RASA3: variants seen among roughly 807,000 people sequenced by gnomAD.
RASA3 encodes the protein ras GTPase-activating protein 3.
A neutral mutation model predicts 110.0 loss-of-function variants in RASA3; 73 were observed. The ratio of observed to expected loss-of-function variants is 0.66; its 90% CI spans 0.55 to 0.81. The LOEUF (loss-of-function observed/expected upper bound fraction) is 0.81. Among genes scored for constraint, RASA3 ranks in the 30% least tolerant of loss-of-function variants. The pLI, the probability that RASA3 is intolerant of heterozygous loss-of-function variation, is 0.00. For synonymous variants in RASA3, 500 were observed against 451.4 expected, an observed-to-expected ratio of 1.11 and a Z score of -1.37; for missense variants, 976 against 1,113.2, an observed-to-expected ratio of 0.88 and a Z score of 1.75.
At chr13:114,098,365 CTG>C (rs1218652340) in intron 1 of RASA3, among the ~76,000 whole-genome samples, 49 of 148,266 alleles carry the variant, frequency 3.3e-4, no homozygotes, top group Non-Finnish European at 5.5e-4. Context: ...ATCCCAGGGT[CTG>C]CGTGCCCAGC....
intron 1 of RASA3, among the ~76,000 whole-genome samples, chr13:114,090,683 A>G (rs1269672536): frequency 6.6e-6 from 1 of 152,228 alleles, no homozygotes; most frequent in African/African-American, 2.4e-5. Flanking sequence ...ACAAGCACAC[A>G]TGCCTGACGG....
At chr13:114,060,566 G>T (rs2079321315) in intron 2 of RASA3, among the ~76,000 whole-genome samples, 1 of 152,250 alleles carries the variant, frequency 6.6e-6, no homozygotes, top group South Asian at 2.1e-4. Flanking sequence ...AGCCAAGACT[G>T]CCGGGAAGCC....
intron 1 of RASA3, among the ~76,000 whole-genome samples, chr13:114,078,537 G>A (rs567481667): frequency 1.3e-5 from 2 of 152,220 alleles, no homozygotes; most frequent in Non-Finnish European, 2.9e-5. Flanking sequence ...GTGTTCACCA[G>A]CCGGCAGACT....
intron 1 of RASA3, among the ~76,000 whole-genome samples, chr13:114,125,491 C>T (rs150674495): frequency 6.1e-4 from 93 of 152,278 alleles, no homozygotes; most frequent in African/African-American, 2.1e-3. Flanking sequence ...CACTCACTAT[C>T]GTGAGAACAG....
intron 21 of RASA3, among the ~76,000 whole-genome samples, chr13:113,995,215 G>GT (rs2053204384): frequency 6.6e-6 from 1 of 152,254 alleles, no homozygotes; most frequent in African/African-American, 2.4e-5. Context: ...GACAGGCCAG[G>GT]TTTTCTCTCC....
In RASA3 at chr13:114,062,616, C is replaced by T. The variant is rs543748039; in HGVS notation, c.174-10461G>A. On this transcript the variant is annotated intron_variant, in intron 2 of 23. Transcript: ENST00000334062. ...ACGTCCGCACGCAGACTCAGACACG[C>T]GTGCTCACAGCCCACGTCCGCATGC... 1.4e-4 allele frequency among the ~76,000 whole-genome samples: 21 copies of T among 151,178 alleles called. No individual in the cohort carries two copies. The East Asian group carries it at 2.7e-3, about 20-fold the overall frequency.
chr13:114,120,466 C>T (rs370835306), intron 1 of RASA3, among the ~76,000 whole-genome samples: 155 of 14,830 alleles, frequency 0.01, 6 homozygotes, highest in Admixed American at 0.048. Context: ...CGATCAGGGC[C>T]CCTCCCTCTC....
intron 1 of RASA3, among the ~76,000 whole-genome samples, chr13:114,077,440 A>C (rs2079705157): frequency 8.2e-6 from 1 of 121,598 alleles, no homozygotes; most frequent in African/African-American, 3.2e-5. Context: ...GTCCCCCCAC[A>C]CTGGCACCAA....
At position 114,096,426 on chromosome 13, in the gene RASA3, G is replaced by A. The variant is rs1311500429; in HGVS notation, c.56-22589C>T. Among the ~76,000 whole-genome samples, 2 of 152,072 alleles carry A rather than the reference G, an allele frequency of 1.3e-5. No homozygotes were observed. The highest frequency in any genetic ancestry group is 2.4e-5 in the African/African-American group (1 of 41,392). ...GGAACCCTGTGCATTGCCCATCTGTGAGCCGACCTCCTGCCTGAAGCCACC... is the reference window on the plus strand; with the variant it reads ...GGAACCCTGTGCATTGCCCATCTGTAAGCCGACCTCCTGCCTGAAGCCACC... On this transcript the variant is annotated intron_variant, in intron 1 of 23. Coordinates refer to ENST00000334062, the MANE Select transcript of RASA3 (RefSeq NM_007368.4). The surrounding 1 kb of genome is among the most constrained non-coding windows in gnomAD (Gnocchi z 5.1).
intron 22 of RASA3, among the ~76,000 whole-genome samples, chr13:113,990,495 G>A (rs982947836): frequency 2.0e-5 from 3 of 152,210 alleles, no homozygotes; most frequent in African/African-American, 4.8e-5. Flanking sequence ...CCCTCTCCGA[G>A]GCTCCCTGAC....
chr13:113,982,775 G>GACAA (rs1272468604), intron 22 of RASA3, among the ~76,000 whole-genome samples: 1 of 152,236 alleles, frequency 6.6e-6, no homozygotes, highest in Non-Finnish European at 1.5e-5. Context: ...TGGAACCCTT[G>GACAA]TGCAGGGGAT....
At chr13:114,002,107 G>A (rs1408422298) in intron 18 of RASA3, among the ~76,000 whole-genome samples, 1 of 152,362 alleles carries the variant, frequency 6.6e-6, no homozygotes, top group East Asian at 1.9e-4. Flanking sequence ...TGGAGGAGAA[G>A]AAAGTGGCCA....
In RASA3 at chr13:114,016,378, C is replaced by T. The variant is rs936844257; in HGVS notation, c.1207-107G>A. On this transcript the variant is annotated intron_variant, in intron 12 of 23. Transcript: ENST00000334062. ...CTGAGATGTAGACCCTGAGCCTCAT[C>T]CAGAAAATGCCACGACAGCTCCCCG... The T allele has an allele frequency of 4.8e-5, 41 of 855,284 alleles. 1 individual carries two copies. The highest frequency in any genetic ancestry group is 4.6e-4 in the South Asian group (34 of 74,126). 53.0% of individuals were successfully genotyped at this position (855,284 alleles called of 1,614,324 possible).
intron 4 of RASA3, among the ~76,000 whole-genome samples, chr13:114,040,707 GCGGAGCCCGCGC>G: frequency 1.5e-5 from 2 of 135,906 alleles, no homozygotes; most frequent in East Asian, 2.2e-4. Flanking sequence ...AAATCCACAC[GCGGAGCCCGCGC>G]TCACTCCGAG....
chr13:114,011,168 C>T lies in RASA3; in HGVS notation c.1590+3G>A. The T allele has an allele frequency of 6.2e-7, 1 of 1,606,216 alleles. No homozygotes were observed. Among genetic ancestry groups the T allele is most frequent in the African/African-American group, 1.3e-5 (1 of 74,838 alleles). On this transcript the variant is annotated splice_donor_region_variant and intron_variant, in intron 16 of 23. Transcript: ENST00000334062. The surrounding 1 kb of genome is among the most constrained non-coding windows in gnomAD (Gnocchi z 4.8). ...AAAGAGAAAATGAAGAAGAGGGACT[C>T]ACAGATTTGGACTTGGACAGGCTGC...
At chr13:114,116,768 G>C (rs1485691241) in intron 1 of RASA3, among the ~76,000 whole-genome samples, 1 of 138,510 alleles carries the variant, frequency 7.2e-6, no homozygotes, top group African/African-American at 2.8e-5. Flanking sequence ...TGTGTGAGGG[G>C]TGCACGTGTG....
chr13:114,129,114 G>C (rs1027679799), intron 1 of RASA3, among the ~76,000 whole-genome samples: 3 of 152,258 alleles, frequency 2.0e-5, no homozygotes, highest in Admixed American at 2.0e-4. Flanking sequence ...CGCCGTGGCC[G>C]TGGCGGAAGT....
rs182325056 is a variant in RASA3, at chr13:113,995,834, C to G, written c.2141+697G>C. 1.5e-3 allele frequency among the ~76,000 whole-genome samples: 26 copies of G among 17,160 alleles called. 2 individuals are homozygous for G. The highest frequency in any genetic ancestry group is 2.1e-3 in the Non-Finnish European group (22 of 10,636). 11.3% of individuals were successfully genotyped at this position (17,160 alleles called of 152,430 possible). On this transcript the variant is annotated intron_variant, in intron 21 of 23. Coordinates refer to ENST00000334062, the MANE Select transcript of RASA3 (RefSeq NM_007368.4). ...TCCGGCTGACGGGGGGCCCGGCTGA[C>G]GGGGGGCCCGGCTGACGGGGGGCCC... is the stretch of plus-strand genomic sequence containing the variant.
Position 114,033,647 on chromosome 13 carries a change from G to A in RASA3, c.373-3760C>T, listed in dbSNP as rs185775320. ...ACGGAACCCCCACACTTGACACCAC[G>A]TTCCACGGCACCCCCACACTGACAC... On this transcript the variant is annotated intron_variant, in intron 4 of 23. Coordinates refer to ENST00000334062, the MANE Select transcript of RASA3 (RefSeq NM_007368.4). 1.4e-3 allele frequency among the ~76,000 whole-genome samples: 205 copies of A among 142,324 alleles called. 2 individuals carry two copies. The highest frequency in any genetic ancestry group is 5.2e-3 in the African/African-American group (194 of 37,406). 93.4% of individuals were successfully genotyped at this position (142,324 alleles called of 152,430 possible).
Sources: gnomAD v4.1 joint callset for allele counts (sites outside exome capture counted in the v4.1 genomes callset) on GRCh38, gnomAD v4.1.1 for gene constraint, Gnocchi (gnomAD v3.1) non-coding constraint, MANE v1.5 for transcripts, NCBI Gene and HGNC (gene_info 2026-07-23, HGNC 2026-07-21) for gene names.